The following RAP1GAP2 variants were observed in gnomAD, a reference collection of about 807,000 sequenced individuals.
RAP1GAP2 encodes rap1 GTPase-activating protein 2.
RAP1GAP2 carries 27 observed loss-of-function variants against 95.0 expected under a neutral mutation model. The observed-to-expected ratio is 0.28, with a 90% CI of 0.21 to 0.39. RAP1GAP2 has a LOEUF of 0.39. Among genes scored for constraint, RAP1GAP2 ranks in the 10% least tolerant of loss-of-function variants. The pLI is 1.00. For synonymous variants in RAP1GAP2, 373 were observed against 380.9 expected, an observed-to-expected ratio of 0.98 and a Z score of 0.24; for missense variants, 771 against 970.0, an observed-to-expected ratio of 0.79 and a Z score of 2.72.
At chr17:3,024,063 G>A (rs1161185403) in intron 19 of RAP1GAP2, among the ~76,000 whole-genome samples, 1 of 152,186 alleles carries the variant, frequency 6.6e-6, no homozygotes, top group African/African-American at 2.4e-5. Flanking sequence ...GGAACCAATA[G>A]GGTAGAGGTA....
At chr17:3,019,960 G>A (rs1466467049) in intron 18 of RAP1GAP2, among the ~76,000 whole-genome samples, 1 of 152,272 alleles carries the variant, frequency 6.6e-6, no homozygotes, top group African/African-American at 2.4e-5. Flanking sequence ...ATTGGTGCCT[G>A]TGGCCCTGGC....
chr17:2,755,739 G>T, exon 1 of RAP1GAP2: 1 of 348,236 alleles, frequency 2.9e-6, no homozygotes, highest in East Asian at 4.2e-5. Flanking sequence ...CCGGGCGCCG[G>T]GGGAGAAGCG....
upstream of RAP1GAP2, among the ~76,000 whole-genome samples, chr17:2,775,234 C>G (rs1015055205): frequency 1.1e-4 from 16 of 152,150 alleles, no homozygotes; most frequent in African/African-American, 2.9e-4. Flanking sequence ...GGTACTGCCT[C>G]CATGGGCCAC....
Position 2,939,806 on chromosome 17 carries a change from G to A in RAP1GAP2, c.166-17953G>A, listed in dbSNP as rs761555339. ...GAAGGGACCCCCTTGCCCTTATGAC[G>A]TAAGACGTGTGGCACCTCCATCAGC... On this transcript the variant is annotated intron_variant, in intron 3 of 24. Transcript: ENST00000254695. Among the ~76,000 whole-genome samples the A allele has an allele frequency of 7.2e-5, 11 of 152,234 alleles. 1 individual carries two copies. The highest frequency in any genetic ancestry group is 2.9e-5 in the Non-Finnish European group (2 of 68,036).
At position 2,870,923 on chromosome 17, in the gene RAP1GAP2, C is replaced by T. The variant is rs940667398; in HGVS notation, c.81-34361C>T. Reference sequence around the variant, plus strand: ...TGATGTTGGATCCATGGTTGTAGATCCTTGTGGGCTAAACGTTTCATTTTA... The same window carrying T: ...TGATGTTGGATCCATGGTTGTAGATTCTTGTGGGCTAAACGTTTCATTTTA... On this transcript the variant is annotated intron_variant, in intron 2 of 24. Coordinates refer to ENST00000254695, the MANE Select transcript of RAP1GAP2 (RefSeq NM_015085.5). This position sits in a 1 kb window ranked among gnomAD's most constrained non-coding sequence, Gnocchi z 4.4. Among the ~76,000 whole-genome samples the T allele has an allele frequency of 2.6e-5, 4 of 152,276 alleles. No individual in the cohort carries two copies. Among genetic ancestry groups the T allele is most frequent in the South Asian group, 4.1e-4 (2 of 4,824 alleles).
chr17:2,997,802 A>G (rs2046010690), intron 13 of RAP1GAP2, among the ~76,000 whole-genome samples: 1 of 151,982 alleles, frequency 6.6e-6, no homozygotes, highest in Non-Finnish European at 1.5e-5. Flanking sequence ...ACGCGTCTGT[A>G]ATCCCAGCTA....
At chr17:2,826,680 TGAGCCC>T (rs2070579720) in intron 2 of RAP1GAP2, among the ~76,000 whole-genome samples, 2 of 152,030 alleles carry the variant, frequency 1.3e-5, no homozygotes, top group Admixed American at 1.3e-4. Context: ...AGGTGAATCC[TGAGCCC>T]AGGCATCTAG....
chr17:2,990,153 G>A lies in RAP1GAP2; in HGVS notation c.814-1144G>A, dbSNP rs1005725080. 3.9e-5 allele frequency among the ~76,000 whole-genome samples: 6 copies of A among 152,118 alleles called. No individual in the cohort carries two copies. The South Asian group carries it at 1.2e-3, about 32-fold the overall frequency. On this transcript the variant is annotated intron_variant, in intron 11 of 24. Transcript: ENST00000254695. ...TATCTATTCATCAGATGGACATTTG[G>A]GTTCTTTCTCCTTTTGGGCCATTAT...
intron 4 of RAP1GAP2, 178 bp from the exon 5 acceptor site, chr17:2,962,492 C>A: frequency 1.6e-6 from 1 of 619,740 alleles, no homozygotes; most frequent in Non-Finnish European, 2.7e-6. Flanking sequence ...GCGCTGTTGC[C>A]TCACCTGAGG....
chr17:2,755,893 G>A (rs1186169718), intron 1 of RAP1GAP2: 1 of 287,214 alleles, frequency 3.5e-6, no homozygotes, highest in Non-Finnish European at 6.5e-6. Context: ...GCCCGGGTGG[G>A]CGGAGGGGCG....
At chr17:2,885,621 G>GT (rs1283432469) in intron 2 of RAP1GAP2, among the ~76,000 whole-genome samples, 8 of 152,188 alleles carry the variant, frequency 5.3e-5, no homozygotes, top group Non-Finnish European at 7.3e-5. Context: ...ATCCCACCAC[G>GT]TACACTCAGT....
At chr17:2,808,132 C>T (rs2069600517) in intron 2 of RAP1GAP2, among the ~76,000 whole-genome samples, 1 of 152,082 alleles carries the variant, frequency 6.6e-6, no homozygotes, top group Admixed American at 6.6e-5. Context: ...TGTTCTCACC[C>T]TTCTGTCGTG....
chr17:2,765,674 C>T (rs977830331), intron 1 of RAP1GAP2, among the ~76,000 whole-genome samples: 1 of 151,152 alleles, frequency 6.6e-6, no homozygotes, highest in Non-Finnish European at 1.5e-5. Context: ...ACCCAGAAGG[C>T]AGAGCTTGCA....
At chr17:2,961,266 G>A (rs1317873422) in intron 4 of RAP1GAP2, among the ~76,000 whole-genome samples, 1 of 150,830 alleles carries the variant, frequency 6.6e-6, no homozygotes, top group African/African-American at 2.4e-5. Context: ...TATAATCCCA[G>A]CACTTTGGGA....
chr17:2,782,469 G>C (rs374553119), intron 1 of RAP1GAP2, among the ~76,000 whole-genome samples: 3 of 152,166 alleles, frequency 2.0e-5, no homozygotes, highest in Non-Finnish European at 4.4e-5. Flanking sequence ...CTGTGATGAG[G>C]CTCCCTTACC....
Position 3,020,528 on chromosome 17 carries a change from C to T in RAP1GAP2, c.1684C>T (p.Arg562Ter), listed in dbSNP as rs768318872. The T allele has an allele frequency of 1.9e-6, 3 of 1,613,852 alleles. No individual in the cohort carries two copies. The highest frequency in any genetic ancestry group is 2.2e-5 in the East Asian group (1 of 44,866). Reference sequence around the variant, plus strand: ...GAACCAGTCACGGAGTCCCATCAAGCGACGCTCGGGGCTCTTCCCCCGCCT... The same window carrying T: ...GAACCAGTCACGGAGTCCCATCAAGTGACGCTCGGGGCTCTTCCCCCGCCT... The part of the protein sequence containing the change: ...VKNQSRSPIK[R>*]RSGLFPRLHT... Residue 562 changes from arginine (R) to a stop codon, truncating the protein, a stop_gained, in exon 19 of 25, where the codon CGA becomes TGA. Transcript: ENST00000254695. LOFTEE classifies it high-confidence loss of function.
At chr17:2,901,980 G>A (rs566481295) in intron 2 of RAP1GAP2, among the ~76,000 whole-genome samples, 1 of 152,270 alleles carries the variant, frequency 6.6e-6, no homozygotes, top group South Asian at 2.1e-4. Flanking sequence ...GACCTCAGAT[G>A]GCTTAAAGCC....
chr17:2,918,086 A>G lies in RAP1GAP2; in HGVS notation c.165+12718A>G, dbSNP rs559580571. ...TTCCTCATTTGTAGAATAGGGATGT[A>G]TTAGCCCTGTCTCCCATTGCTCTAA... On this transcript the variant is annotated intron_variant, in intron 3 of 24. Coordinates refer to ENST00000254695, the MANE Select transcript of RAP1GAP2 (RefSeq NM_015085.5). Among the ~76,000 whole-genome samples, 4 of 152,006 alleles carry G rather than the reference A, an allele frequency of 2.6e-5. No individual in the cohort carries two copies. In the East Asian group the frequency reaches 7.8e-4, roughly 30 times the overall value.
intron 11 of RAP1GAP2, among the ~76,000 whole-genome samples, chr17:2,987,221 A>AG (rs1348746547): frequency 6.6e-6 from 1 of 152,256 alleles, no homozygotes; most frequent in African/African-American, 2.4e-5. Flanking sequence ...CCCAGCCTTC[A>AG]GACATTCACA....
Sources: gnomAD v4.1 joint callset for allele counts (sites outside exome capture counted in the v4.1 genomes callset) on GRCh38, gnomAD v4.1.1 for gene constraint, Gnocchi (gnomAD v3.1) non-coding constraint, MANE v1.5 for transcripts, NCBI Gene and HGNC (gene_info 2026-07-23, HGNC 2026-07-21) for gene names.